The following PARP8 variants were observed in gnomAD, a reference collection of about 807,000 sequenced individuals.
The protein encoded by PARP8 is poly(ADP-ribose) polymerase family member 8, also known as protein mono-ADP-ribosyltransferase PARP8.
PARP8 carries 51 observed loss-of-function variants against 124.1 expected under a neutral mutation model. That is an observed-to-expected ratio of 0.41 (90% CI 0.33 to 0.52). The LOEUF is 0.52. PARP8 is among the 20% of genes least tolerant of loss of function. The probability of loss-of-function intolerance (pLI) is 0.21; values close to 1 mark genes in which losing one functional copy is unlikely to be tolerated. For missense variants in PARP8, 860 were observed against 1,018.9 expected, an observed-to-expected ratio of 0.84 and a Z score of 2.12; for synonymous variants, 391 against 361.5, an observed-to-expected ratio of 1.08 and a Z score of -0.93.
chr5:50,744,390 T>C (rs1487620942), intron 2 of PARP8, among the ~76,000 whole-genome samples: 1 of 152,152 alleles, frequency 6.6e-6, no homozygotes, highest in African/African-American at 2.4e-5. Flanking sequence ...AACAAATATA[T>C]GAACAGAATA....
chr5:50,817,849 A>G (rs1745274700), intron 15 of PARP8, among the ~76,000 whole-genome samples: 2 of 152,152 alleles, frequency 1.3e-5, no homozygotes, highest in Non-Finnish European at 2.9e-5. Context: ...TTTGCCTGAA[A>G]GGGGTGTGTG....
At chr5:50,763,883 T>C (rs1760801521) in intron 7 of PARP8, among the ~76,000 whole-genome samples, 1 of 152,216 alleles carries the variant, frequency 6.6e-6, no homozygotes, top group South Asian at 2.1e-4. Context: ...GCCTACACTG[T>C]AGTCTTGAAG....
At chr5:50,715,851 T>C (rs1227995711) in intron 2 of PARP8, among the ~76,000 whole-genome samples, 2 of 152,050 alleles carry the variant, frequency 1.3e-5, no homozygotes, top group Non-Finnish European at 2.9e-5. Context: ...AAGAATAATA[T>C]AACCTTTTTT....
chr5:50,815,261 C>T (rs112572165), intron 14 of PARP8, among the ~76,000 whole-genome samples, 171 bp from the exon 15 acceptor site: 2,246 of 152,086 alleles, frequency 0.015, 57 homozygotes, highest in African/African-American at 0.052. Context: ...TGACTCTTTA[C>T]TAATTGTTAC....
Position 50,827,947 on chromosome 5 carries a change from T to C in PARP8, c.1981T>C (p.Leu661=), listed in dbSNP as rs201135968. 2.0e-5 allele frequency: 32 copies of C among 1,603,762 alleles called. No individual in the cohort carries two copies. The African/African-American group carries it at 3.1e-4, about 15-fold the overall frequency. The change falls in exon 20 of 26, where the codon TTG becomes CTG. Residue 661 remains leucine, a synonymous_variant. Coordinates refer to ENST00000281631, the MANE Select transcript of PARP8 (RefSeq NM_024615.4). ...TTGTCTTTATCTTAAATGGCAGCAA[T>C]TGAAGTTTATGCATACTCCACATCA... ...HIVKLPVNRQ[L]KFMHTPHQFL...
intron 3 of PARP8, among the ~76,000 whole-genome samples, chr5:50,757,853 A>G (rs1221748439): frequency 1.3e-5 from 2 of 152,222 alleles, no homozygotes; most frequent in African/African-American, 2.4e-5. Context: ...GTAAAATTGC[A>G]TGATGCTATC....
chr5:50,787,318 T>C (rs753786993), intron 9 of PARP8, among the ~76,000 whole-genome samples: 6 of 152,150 alleles, frequency 3.9e-5, no homozygotes, highest in Non-Finnish European at 7.4e-5. Flanking sequence ...TTCCCTGCTC[T>C]CATCTCCTGA....
At chr5:50,782,440 G>T (rs1217290370) in intron 9 of PARP8, among the ~76,000 whole-genome samples, 1 of 152,114 alleles carries the variant, frequency 6.6e-6, no homozygotes, top group African/African-American at 2.4e-5. Context: ...GATTGAAAAT[G>T]TGCAGTAATG....
chr5:50,757,222 T>C (rs1379126835), intron 3 of PARP8: 5 of 453,848 alleles, frequency 1.1e-5, no homozygotes, highest in Admixed American at 4.7e-5. Flanking sequence ...ATGGGTAAAG[T>C]AGAAGAAATA....
At chr5:50,697,468 A>G (rs1356678688) in intron 2 of PARP8, among the ~76,000 whole-genome samples, 2 of 152,208 alleles carry the variant, frequency 1.3e-5, no homozygotes, top group African/African-American at 2.4e-5. Context: ...AGGCTTATCA[A>G]TTTCAGAAAG....
chr5:50,762,116 T>A (rs1177861168), intron 6 of PARP8, among the ~76,000 whole-genome samples: 1 of 152,168 alleles, frequency 6.6e-6, no homozygotes, highest in African/African-American at 2.4e-5. Flanking sequence ...TTATTTACAT[T>A]GAAGTCATCT....
chr5:50,667,086 G>T lies in PARP8; in HGVS notation c.-10G>T. ...AAATAGCGGCTGCTTCTTTTCCAGG[G>T]ATTTATTTAATGGGGATGTGTTCAA... On this transcript the variant is annotated 5_prime_UTR_variant, in exon 1 of 26. Transcript: ENST00000281631. The T allele has an allele frequency of 1.9e-6, 3 of 1,596,266 alleles. No individual in the cohort carries two copies. The highest frequency in any genetic ancestry group is 2.5e-6 in the Non-Finnish European group (3 of 1,179,704).
intron 9 of PARP8, among the ~76,000 whole-genome samples, chr5:50,781,952 C>T (rs186739815): frequency 3.9e-5 from 6 of 152,178 alleles, no homozygotes; most frequent in South Asian, 2.1e-4. Flanking sequence ...AGAACAATTC[C>T]GAATACATTA....
chr5:50,689,872 G>T (rs778442772), intron 2 of PARP8, among the ~76,000 whole-genome samples: 4 of 152,110 alleles, frequency 2.6e-5, no homozygotes, highest in Admixed American at 6.6e-5. Context: ...GGGTTCTTTT[G>T]GAAATACTAT....
At chr5:50,797,114 AT>A (rs762984434) in intron 13 of PARP8, 23 bp from the exon 14 acceptor site, 22 of 1,609,462 alleles carry the variant, frequency 1.4e-5, no homozygotes, top group Non-Finnish European at 1.7e-5. Flanking sequence ...TGTCTTAATT[AT>A]TTTTCCTTAC....
chr5:50,836,243 T>C (rs1325431954), intron 25 of PARP8, among the ~76,000 whole-genome samples: 1 of 152,176 alleles, frequency 6.6e-6, no homozygotes, highest in African/African-American at 2.4e-5. Context: ...TTTGATCAGA[T>C]AGTTTGAATC....
rs369261633 is a variant in PARP8, at chr5:50,832,894, C to T, written c.2307+40C>T. The T allele has an allele frequency of 5.7e-5, 90 of 1,572,618 alleles. No homozygotes were observed. The African/African-American group carries it at 1.2e-3, about 21-fold the overall frequency. On this transcript the variant is annotated intron_variant, in intron 23 of 25. Coordinates refer to ENST00000281631, the MANE Select transcript of PARP8 (RefSeq NM_024615.4). Reference sequence around the variant, plus strand: ...TTAGTGACTGCTTATGATTAGTGAACTGTGGCCTCATCAGCCAGCAGAGCA... The same window carrying T: ...TTAGTGACTGCTTATGATTAGTGAATTGTGGCCTCATCAGCCAGCAGAGCA...
In PARP8 at chr5:50,842,036, C is replaced by G; in HGVS notation, c.2533C>G (p.Arg845Gly). ...AGGAGGCATTCACAAAGAGATCCTC[C>G]GAGTAATTGGTAATCAAACTGCTAC... is the stretch of plus-strand genomic sequence containing the variant. ...QEGGIHKEIL[R>G]VIGNQTATG Residue 845 changes from arginine (R) to glycine (G), a missense_variant, in exon 26 of 26, where the codon CGA becomes GGA. By Grantham distance (125) the Arg-to-Gly change is moderately radical (BLOSUM62 -2). Transcript: ENST00000281631. The G allele has an allele frequency of 1.2e-6, 2 of 1,604,274 alleles. No individual in the cohort carries two copies. Among genetic ancestry groups the G allele is most frequent in the Non-Finnish European group, 1.7e-6 (2 of 1,174,560 alleles).
intron 10 of PARP8, among the ~76,000 whole-genome samples, chr5:50,789,499 A>C (rs529137790): frequency 6.6e-6 from 1 of 152,150 alleles, no homozygotes; most frequent in Non-Finnish European, 1.5e-5. Flanking sequence ...TGCCATCCAC[A>C]TGGTCTCCTT....
Sources: allele counts gnomAD v4.1 joint callset (sites outside exome capture counted in the v4.1 genomes callset), GRCh38; gene constraint gnomAD v4.1.1; transcripts MANE v1.5; gene names NCBI Gene and HGNC (gene_info 2026-07-23, HGNC 2026-07-21).